PLD5: variants seen among roughly 807,000 people sequenced by gnomAD.
PLD5 encodes the protein phospholipase D family member 5, also known as inactive phospholipase D5.
In PLD5, 36 loss-of-function variants were observed where a neutral mutation model predicts 61.1. The ratio of observed to expected loss-of-function variants is 0.59; its 90% CI spans 0.45 to 0.78. The LOEUF is 0.78. Among genes scored for constraint, PLD5 ranks in the 30% least tolerant of loss-of-function variants. The pLI is 0.00. For synonymous variants in PLD5, 243 were observed against 242.8 expected (o/e 1.00, Z -0.01); for missense variants, 515 against 644.4 (o/e 0.80, Z 2.17).
At chr1:242,343,006 G>A (rs1444483380) in intron 2 of PLD5, among the ~76,000 whole-genome samples, 1 of 152,168 alleles carries the variant, frequency 6.6e-6, no homozygotes, top group African/African-American at 2.4e-5. Context: ...AGAGGCATAT[G>A]AAAGTTGGAA....
intron 4 of PLD5, among the ~76,000 whole-genome samples, chr1:242,222,684 G>A (rs1029309216): frequency 6.6e-6 from 1 of 152,292 alleles, no homozygotes; most frequent in East Asian, 1.9e-4. Context: ...AATCTGAAGA[G>A]TCCACTGGGG....
intron 1 of PLD5, among the ~76,000 whole-genome samples, chr1:242,457,242 C>T (rs1666971853): frequency 1.3e-5 from 2 of 152,002 alleles, no homozygotes; most frequent in Admixed American, 6.6e-5. Flanking sequence ...TCCTTAGAGC[C>T]CACAAGCCCA....
chr1:242,491,995 G>A (rs1343231736), intron 1 of PLD5, among the ~76,000 whole-genome samples: 1 of 152,086 alleles, frequency 6.6e-6, no homozygotes, highest in African/African-American at 2.4e-5. Context: ...CCATCTCTTT[G>A]GCTAGTCACA....
rs1187312149 is a variant in PLD5, at chr1:242,524,211, G to A, written c.66C>T (p.Leu22=). 3 of 1,533,200 alleles carry A rather than the reference G, an allele frequency of 2.0e-6. No homozygotes were observed. The East Asian group carries it at 7.4e-5, about 38-fold the overall frequency. The allele number at this position is 1,533,200 out of a possible 1,614,324, so 95.0% of individuals were successfully genotyped here. ...SPHEGFEQMR[L]KSRPKEPSPS... is the part of the protein sequence containing the mutation. ...GGGAGGGCTCCTTGGGGCGGCTTTT[G>A]AGCCTCATCTGCTCGAAGCCCTCAT... The change falls in exon 1 of 10, where the codon CTC becomes CTT. Residue 22 remains leucine, a synonymous_variant. Transcript: ENST00000536534.
At chr1:242,437,228 G>A (rs761606743) in intron 1 of PLD5, among the ~76,000 whole-genome samples, 7 of 152,236 alleles carry the variant, frequency 4.6e-5, no homozygotes, top group Admixed American at 2.6e-4. Flanking sequence ...CATTTAAATC[G>A]AAAGTAACTG....
chr1:242,270,973 C>T (rs563821704), intron 3 of PLD5, among the ~76,000 whole-genome samples: 6 of 151,908 alleles, frequency 3.9e-5, no homozygotes, highest in Non-Finnish European at 7.4e-5. Flanking sequence ...GTGATACAGG[C>T]GATACAGGCT....
intron 1 of PLD5, among the ~76,000 whole-genome samples, chr1:242,412,197 A>C (rs767152666): frequency 1.3e-5 from 2 of 152,182 alleles, no homozygotes; most frequent in Non-Finnish European, 2.9e-5. Context: ...GCCCTTAGGG[A>C]AGAAAGCCTT....
At chr1:242,253,115 C>CT (rs35097685) in intron 4 of PLD5, among the ~76,000 whole-genome samples, 768 of 73,186 alleles carry the variant, frequency 0.01, 16 homozygotes, top group African/African-American at 0.025. Context: ...GTGTATGGCC[C>CT]TTTTTTTTTT....
At chr1:242,407,549 TGTG>T (rs1287999196) in intron 1 of PLD5, among the ~76,000 whole-genome samples, 5 of 117,248 alleles carry the variant, frequency 4.3e-5, no homozygotes, top group African/African-American at 2.0e-4. Flanking sequence ...GTTTTTTTGT[TGTG>T]GTTGTTTTGT....
chr1:242,494,253 T>C (rs1213114271), intron 1 of PLD5, among the ~76,000 whole-genome samples: 3 of 152,068 alleles, frequency 2.0e-5, no homozygotes, highest in African/African-American at 7.2e-5. Flanking sequence ...GATGCTGTCC[T>C]ACCGCAGGCC....
At chr1:242,246,905 T>A (rs1181629516) in intron 4 of PLD5, among the ~76,000 whole-genome samples, 1 of 152,036 alleles carries the variant, frequency 6.6e-6, no homozygotes, top group Non-Finnish European at 1.5e-5. Context: ...AAGGCATACA[T>A]TGGCTCAGTG....
chr1:242,279,989 A>G (rs1403556025), intron 3 of PLD5, among the ~76,000 whole-genome samples: 1 of 151,910 alleles, frequency 6.6e-6, no homozygotes, highest in Non-Finnish European at 1.5e-5. Context: ...ACTAAATTTG[A>G]AAGTAAATGT....
intron 1 of PLD5, among the ~76,000 whole-genome samples, chr1:242,483,239 C>T (rs1667844813): frequency 6.6e-6 from 1 of 152,108 alleles, no homozygotes; most frequent in Admixed American, 6.6e-5. Context: ...GGGCTAAATG[C>T]TCCAATTAAA....
chr1:242,131,960 G>C (rs1476608645), intron 5 of PLD5, among the ~76,000 whole-genome samples: 1 of 147,988 alleles, frequency 6.8e-6, no homozygotes, highest in African/African-American at 2.5e-5. Flanking sequence ...TCAGCCTCCC[G>C]AGTAGCTGGT....
intron 5 of PLD5, among the ~76,000 whole-genome samples, chr1:242,202,525 G>C (rs756476160): frequency 9.2e-5 from 14 of 152,120 alleles, no homozygotes; most frequent in Non-Finnish European, 1.6e-4. Context: ...CTGAATCCCT[G>C]GGAAGGGACC....
At chr1:242,091,235 G>T (rs1336397906) in intron 9 of PLD5, among the ~76,000 whole-genome samples, 1 of 152,122 alleles carries the variant, frequency 6.6e-6, no homozygotes, top group Non-Finnish European at 1.5e-5. Context: ...TGAGGTACTG[G>T]GGGTTAGGAC....
At chr1:242,520,123 A>G (rs1047939253) in intron 1 of PLD5, among the ~76,000 whole-genome samples, 3 of 152,168 alleles carry the variant, frequency 2.0e-5, no homozygotes, top group African/African-American at 7.2e-5. Flanking sequence ...TTCTTTGGCC[A>G]ATACACATGA....
At chr1:242,420,047 A>C (rs758071984) in intron 1 of PLD5, among the ~76,000 whole-genome samples, 2 of 152,162 alleles carry the variant, frequency 1.3e-5, no homozygotes, top group Non-Finnish European at 2.9e-5. Flanking sequence ...TGTTACCTCC[A>C]GGGCTCCTGA....
intron 7 of PLD5, among the ~76,000 whole-genome samples, chr1:242,110,403 T>C (rs1661391017): frequency 6.6e-6 from 1 of 152,126 alleles, no homozygotes; most frequent in Non-Finnish European, 1.5e-5. Flanking sequence ...GGTGCATTCA[T>C]TGTACCATTC....
Sources: allele counts gnomAD v4.1 joint callset (sites outside exome capture counted in the v4.1 genomes callset), GRCh38; gene constraint gnomAD v4.1.1; transcripts MANE v1.5; gene names NCBI Gene and HGNC (gene_info 2026-07-23, HGNC 2026-07-21).